The following OPHN1 variants were observed in gnomAD, a reference collection of about 807,000 sequenced individuals.
The protein encoded by OPHN1 is oligophrenin-1.
A neutral mutation model predicts 60.7 loss-of-function variants in OPHN1; 11 were observed. That is an observed-to-expected ratio of 0.18 (90% CI 0.11 to 0.30). The LOEUF is 0.30. OPHN1 is among the 10% of genes least tolerant of loss of function. OPHN1 has a pLI of 1.00. For missense variants in OPHN1, 449 were observed against 611.0 expected, an observed-to-expected ratio of 0.73 and a Z score of 2.80; for synonymous variants, 226 against 222.6, an observed-to-expected ratio of 1.02 and a Z score of -0.14.
chrX:68,391,554 G>C (rs1298938700), intron 2 of OPHN1, among the ~76,000 whole-genome samples: 2 of 110,989 alleles, frequency 1.8e-5, no homozygotes, highest in East Asian at 5.6e-4. Context: ...ATCTGTGGTA[G>C]GCTGAATAAT....
intron 15 of OPHN1, among the ~76,000 whole-genome samples, chrX:68,180,989 T>C (rs1219386016): frequency 9.0e-6 from 1 of 111,252 alleles, no homozygotes. Flanking sequence ...AATTTTGACA[T>C]AAAATTATAT....
chrX:68,177,728 G>A lies in OPHN1; in HGVS notation c.1276+15191C>T, dbSNP rs376930430. ...GGGGAGGTGCTACACACTTTTAACAGCCAGATGTCACAAGAACTGACTCAT... is the reference window on the plus strand; with the variant it reads ...GGGGAGGTGCTACACACTTTTAACAACCAGATGTCACAAGAACTGACTCAT... On this transcript the variant is annotated intron_variant, in intron 15 of 24. Transcript: ENST00000355520. Among the ~76,000 whole-genome samples the A allele has an allele frequency of 9.1e-5, 10 of 110,473 alleles. 1 individual carries two copies. In the South Asian group the frequency reaches 3.6e-3, roughly 39 times the overall value.
At chrX:68,259,980 G>GT (rs1048629526) in intron 5 of OPHN1, among the ~76,000 whole-genome samples, 10 of 111,469 alleles carry the variant, frequency 9.0e-5, no homozygotes, top group African/African-American at 2.9e-4. Context: ...AGATATTAAG[G>GT]TTTTCTAATG....
At chrX:68,264,509 C>T (rs1171034788) in intron 5 of OPHN1, among the ~76,000 whole-genome samples, 1 of 112,165 alleles carries the variant, frequency 8.9e-6, no homozygotes, top group African/African-American at 3.2e-5. Context: ...TGAAAAAATG[C>T]TCATCATCAC....
intron 5 of OPHN1, among the ~76,000 whole-genome samples, chrX:68,266,865 A>T (rs760265169): frequency 3.6e-5 from 4 of 111,312 alleles, no homozygotes; most frequent in Non-Finnish European, 5.7e-5. Context: ...AAAAAAAAGC[A>T]GGGTTTGCAA....
intron 2 of OPHN1, among the ~76,000 whole-genome samples, chrX:68,330,838 T>C (rs1353869180): frequency 9.3e-6 from 1 of 107,678 alleles, no homozygotes; most frequent in Non-Finnish European, 1.9e-5. Context: ...ATTCATAGTA[T>C]CTATAAATAT....
intron 15 of OPHN1, among the ~76,000 whole-genome samples, chrX:68,122,718 T>C (rs1227270426): frequency 9.0e-6 from 1 of 110,599 alleles, no homozygotes; most frequent in Non-Finnish European, 1.9e-5. Flanking sequence ...GAAGAATGCA[T>C]CAGAGTCTTA....
intron 2 of OPHN1, among the ~76,000 whole-genome samples, chrX:68,361,352 C>T (rs1363747376): frequency 2.8e-5 from 3 of 107,969 alleles, no homozygotes; most frequent in Non-Finnish European, 3.8e-5. Flanking sequence ...TGGTGGTGGG[C>T]GCCTGTAGTC....
chrX:68,071,348 C>T lies in OPHN1; in HGVS notation c.1834+1804G>A, dbSNP rs1052577502. On this transcript the variant is annotated intron_variant, in intron 20 of 24. Coordinates refer to ENST00000355520, the MANE Select transcript of OPHN1 (RefSeq NM_002547.3). The stretch of plus-strand genomic sequence containing the variant: ...CGGAAAGCTTCTATTTTGGCGGGCT[C>T]ACTTTAACCTTGTTCCCAGAGTTTT... 3 of 725,135 alleles carry T rather than the reference C, an allele frequency of 4.1e-6. No homozygotes were observed. In the African/African-American group the frequency reaches 6.3e-5, roughly 15 times the overall value. 59.8% of individuals were successfully genotyped at this position (725,135 alleles called of 1,213,427 possible). A position where few individuals can be genotyped will look rare whatever the true frequency, so the allele number is the denominator to read the frequency against.
intron 2 of OPHN1, among the ~76,000 whole-genome samples, chrX:68,404,925 G>C (rs943740963): frequency 9.0e-5 from 10 of 110,964 alleles, no homozygotes; most frequent in Non-Finnish European, 1.7e-4. Context: ...GGGGAGAAGG[G>C]GGAATTAGCA....
intron 2 of OPHN1, among the ~76,000 whole-genome samples, chrX:68,389,568 AAAATAAATAAATAAATAAAT>A (rs200288420): frequency 7.8e-5 from 6 of 76,862 alleles, no homozygotes; most frequent in East Asian, 4.3e-4. Flanking sequence ...CTCCCTCTCA[AAAATAAATAAATAAATAAAT>A]AAATAAATAA....
chrX:68,116,953 C>T (rs1040728111), intron 16 of OPHN1, among the ~76,000 whole-genome samples: 5 of 111,662 alleles, frequency 4.5e-5, no homozygotes, highest in African/African-American at 6.5e-5. Context: ...CAGCCATAGC[C>T]GGCTAACTGA....
chrX:68,368,245 T>C (rs759438148), intron 2 of OPHN1, among the ~76,000 whole-genome samples: 1 of 111,483 alleles, frequency 9.0e-6, no homozygotes, highest in South Asian at 3.8e-4. Flanking sequence ...CAAAAGCAAC[T>C]GCTGGCCAGG....
intron 2 of OPHN1, among the ~76,000 whole-genome samples, chrX:68,357,305 G>A (rs1283400673): frequency 1.8e-5 from 2 of 111,333 alleles, no homozygotes; most frequent in African/African-American, 3.3e-5. Context: ...ACAACGTGCA[G>A]GTTTGTTACA....
chrX:68,228,078 TCAC>T (rs1237298748), intron 6 of OPHN1, among the ~76,000 whole-genome samples: 1 of 111,064 alleles, frequency 9.0e-6, no homozygotes, highest in African/African-American at 3.3e-5. Context: ...AAAGGGGATA[TCAC>T]CACCTTTCAC....
chrX:68,184,375 A>G lies in OPHN1; in HGVS notation c.1276+8544T>C, dbSNP rs866528638. ...TGTCTCTACTAAAAATACAAAAATT[A>G]GCCAGGTGTGGTGGCACATGCTTGT... On this transcript the variant is annotated intron_variant, in intron 15 of 24. Transcript: ENST00000355520. 5.7e-4 allele frequency among the ~76,000 whole-genome samples: 62 copies of G among 109,023 alleles called. 1 individual carries two copies. The highest frequency in any genetic ancestry group is 9.6e-3 in the Middle Eastern group (2 of 209). 94.7% of individuals were successfully genotyped at this position (109,023 alleles called of 115,157 possible). A position where few individuals can be genotyped will look rare whatever the true frequency, so the allele number is the denominator to read the frequency against.
Position 68,102,661 on chromosome X carries a change from C to G in OPHN1, c.1527-5632G>C, listed in dbSNP as rs560182603. 6.3e-4 allele frequency among the ~76,000 whole-genome samples: 70 copies of G among 111,136 alleles called. 1 individual carries two copies. The highest frequency in any genetic ancestry group is 2.2e-3 in the African/African-American group (67 of 30,633). ...AATAAAGAAGAAAAGAGAGAAAAATCAAATAGACACAATAAAAAATGATAA... is the reference window on the plus strand; with the variant it reads ...AATAAAGAAGAAAAGAGAGAAAAATGAAATAGACACAATAAAAAATGATAA... On this transcript the variant is annotated intron_variant, in intron 18 of 24. Transcript: ENST00000355520.
chrX:68,200,041 C>T (rs982276995), intron 11 of OPHN1, among the ~76,000 whole-genome samples: 1 of 112,048 alleles, frequency 8.9e-6, no homozygotes, highest in Non-Finnish European at 1.9e-5. Flanking sequence ...AGAGAGACAC[C>T]ATCTCAAAAC....
chrX:68,322,442 G>A (rs1240204475), intron 2 of OPHN1, among the ~76,000 whole-genome samples: 1 of 111,883 alleles, frequency 8.9e-6, no homozygotes, highest in Non-Finnish European at 1.9e-5. Flanking sequence ...CTCAAAAGGT[G>A]AATAGTTAAA....
Sources: gnomAD v4.1 joint callset for allele counts (sites outside exome capture counted in the v4.1 genomes callset) on GRCh38, gnomAD v4.1.1 for gene constraint, MANE v1.5 for transcripts, NCBI Gene and HGNC (gene_info 2026-07-23, HGNC 2026-07-21) for gene names.